Variants in DLGAP1 observed in about 807,000 individuals in gnomAD.
DLGAP1 encodes the protein DLG associated protein 1.
In DLGAP1, 11 loss-of-function variants were observed where a neutral mutation model predicts 90.8. The observed-to-expected ratio is 0.12, with a 90% CI of 0.08 to 0.20. The LOEUF (loss-of-function observed/expected upper bound fraction) is 0.20, where lower values mean the gene tolerates loss of function less well. DLGAP1 is among the 10% of genes least tolerant of loss of function. The pLI is 1.00. For missense variants in DLGAP1, 1,050 were observed against 1,333.8 expected, an observed-to-expected ratio of 0.79 and a Z score of 3.31; for synonymous variants, 558 against 540.7, an observed-to-expected ratio of 1.03 and a Z score of -0.44.
At chr18:4,094,504 T>C (rs1468195713) in intron 2 of DLGAP1, among the ~76,000 whole-genome samples, 3 of 152,098 alleles carry the variant, frequency 2.0e-5, no homozygotes, top group Admixed American at 1.3e-4. Context: ...TATTGTTTTC[T>C]GTAGAATTGA....
chr18:3,657,601 T>C (rs1352485770), intron 7 of DLGAP1, among the ~76,000 whole-genome samples: 4 of 148,264 alleles, frequency 2.7e-5, no homozygotes, highest in Non-Finnish European at 5.9e-5. Flanking sequence ...TCCCATGGAA[T>C]TCTTTTTTTT....
At chr18:3,617,084 G>A (rs1310768348) in intron 7 of DLGAP1, among the ~76,000 whole-genome samples, 1 of 152,190 alleles carries the variant, frequency 6.6e-6, no homozygotes, top group Non-Finnish European at 1.5e-5. Context: ...GCTCAGGAGA[G>A]ATGCTGAGCC....
intron 1 of DLGAP1, among the ~76,000 whole-genome samples, chr18:4,268,443 T>A (rs529163473): frequency 4.3e-4 from 65 of 152,312 alleles, no homozygotes; most frequent in Middle Eastern, 3.4e-3. Flanking sequence ...GAATACCTAT[T>A]TGATGCTGAA....
intron 5 of DLGAP1, among the ~76,000 whole-genome samples, chr18:3,756,570 AG>A (rs1254112353): frequency 6.6e-6 from 1 of 152,128 alleles, no homozygotes; most frequent in East Asian, 1.9e-4. Context: ...GTCTTGAAAA[AG>A]AGCAATTTAA....
chr18:3,879,409 G>A lies in DLGAP1; in HGVS notation c.660C>T (p.Gly220=). The change falls in exon 4 of 13, where the codon GGC becomes GGT. Residue 220 remains glycine, a synonymous_variant. Coordinates refer to ENST00000315677, the MANE Select transcript of DLGAP1 (RefSeq NM_004746.4). This position sits in a 1 kb window ranked among gnomAD's most constrained non-coding sequence, Gnocchi z 6.6. ...GDMCIYHAPS[G]VMTMGRCPDR... Reference sequence around the variant, plus strand: ...CGGGGCACCTGCCCATGGTCATCACGCCCGAGGGGGCGTGGTAGATGCACA... The same window carrying A: ...CGGGGCACCTGCCCATGGTCATCACACCCGAGGGGGCGTGGTAGATGCACA... 1 of 1,611,786 alleles carries A rather than the reference G, an allele frequency of 6.2e-7. No individual in the cohort carries two copies. Among genetic ancestry groups the A allele is most frequent in the Non-Finnish European group, 8.5e-7 (1 of 1,179,962 alleles).
chr18:4,261,762 G>T (rs2079007739), intron 1 of DLGAP1, among the ~76,000 whole-genome samples: 2 of 152,154 alleles, frequency 1.3e-5, no homozygotes, highest in Admixed American at 6.6e-5. Flanking sequence ...TGGGCTCGAT[G>T]TTCCTCATGC....
At chr18:3,935,550 C>T (rs777752910) in intron 3 of DLGAP1, among the ~76,000 whole-genome samples, 13 of 152,136 alleles carry the variant, frequency 8.5e-5, no homozygotes, top group Non-Finnish European at 1.8e-4. Flanking sequence ...GCTGCTGATG[C>T]AATTTGACAT....
intron 2 of DLGAP1, among the ~76,000 whole-genome samples, chr18:4,020,304 T>C (rs752659550): frequency 1.3e-5 from 2 of 152,194 alleles, no homozygotes; most frequent in Non-Finnish European, 2.9e-5. Flanking sequence ...ATTCAGATGG[T>C]TGTGAGGGGC....
At chr18:4,349,914 A>G (rs1311501688) in intron 1 of DLGAP1, among the ~76,000 whole-genome samples, 1 of 152,188 alleles carries the variant, frequency 6.6e-6, no homozygotes, top group Non-Finnish European at 1.5e-5. Flanking sequence ...GTACTTTATC[A>G]TAGGTAGGTT....
At chr18:4,299,698 C>T (rs12963543) in intron 1 of DLGAP1, among the ~76,000 whole-genome samples, 1 of 133,560 alleles carries the variant, frequency 7.5e-6, no homozygotes, top group Non-Finnish European at 1.7e-5. Flanking sequence ...AAAAAACACA[C>T]ACAAAAAAAA....
chr18:3,585,827 G>C (rs942381452), intron 7 of DLGAP1, among the ~76,000 whole-genome samples: 3 of 152,200 alleles, frequency 2.0e-5, no homozygotes, highest in African/African-American at 7.2e-5. Context: ...AAAAAAGCTA[G>C]ATAATTCAGC....
At chr18:4,175,959 C>T (rs1054776349) in intron 1 of DLGAP1, among the ~76,000 whole-genome samples, 8 of 152,138 alleles carry the variant, frequency 5.3e-5, no homozygotes, top group Admixed American at 1.3e-4. Context: ...TCTAATTCTG[C>T]GAAGAAAGTC....
intron 7 of DLGAP1, among the ~76,000 whole-genome samples, chr18:3,630,703 T>G (rs1387416227): frequency 6.6e-6 from 1 of 152,224 alleles, no homozygotes; most frequent in African/African-American, 2.4e-5. Context: ...TTCTGTAATC[T>G]GTAGTCTGTT....
In DLGAP1 at chr18:4,087,736, A is replaced by AT. The variant is rs544428891; in HGVS notation, c.-159+63443dup. On this transcript the variant is annotated intron_variant, in intron 2 of 12. Coordinates refer to ENST00000315677, the MANE Select transcript of DLGAP1 (RefSeq NM_004746.4). ...CTTTTAATTAACATTTACATGGTGTATTTTTTTACATTTATATGCTATATA... is the reference window on the plus strand; with the variant it reads ...CTTTTAATTAACATTTACATGGTGTATTTTTTTTACATTTATATGCTATATA... Among the ~76,000 whole-genome samples, 382 of 152,164 alleles carry AT rather than the reference A, an allele frequency of 2.5e-3. 1 individual carries two copies. The highest frequency in any genetic ancestry group is 4.3e-3 in the Non-Finnish European group (289 of 67,998).
chr18:3,821,092 C>T (rs1353532107), intron 4 of DLGAP1, among the ~76,000 whole-genome samples: 1 of 152,022 alleles, frequency 6.6e-6, no homozygotes, highest in Non-Finnish European at 1.5e-5. Context: ...TGAGACCGGC[C>T]TAGGCAACAT....
chr18:3,928,910 C>T (rs75700780), intron 3 of DLGAP1, among the ~76,000 whole-genome samples: 3,849 of 152,214 alleles, frequency 0.025, 82 homozygotes, highest in South Asian at 0.077. Context: ...ATTGGCTTAT[C>T]GAGGTGGTTT....
intron 1 of DLGAP1, among the ~76,000 whole-genome samples, chr18:4,377,336 A>G (rs2082034930): frequency 6.6e-6 from 1 of 152,170 alleles, no homozygotes; most frequent in African/African-American, 2.4e-5. Context: ...AAGAACTATC[A>G]TATTCCTCTA....
chr18:4,231,996 T>C (rs1394265114), intron 1 of DLGAP1, among the ~76,000 whole-genome samples: 2 of 152,198 alleles, frequency 1.3e-5, no homozygotes, highest in Admixed American at 1.3e-4. Context: ...TCAGTTCATG[T>C]AGAACTGAAT....
At chr18:3,866,999 ATG>A in intron 4 of DLGAP1, among the ~76,000 whole-genome samples, 1 of 147,836 alleles carries the variant, frequency 6.8e-6, no homozygotes, top group South Asian at 2.3e-4. Context: ...CTACAGGCAC[ATG>A]CCACCACACC....
Sources: allele counts gnomAD v4.1 joint callset (sites outside exome capture counted in the v4.1 genomes callset), GRCh38; gene constraint gnomAD v4.1.1; non-coding constraint Gnocchi (gnomAD v3.1); transcripts MANE v1.5; gene names NCBI Gene and HGNC (gene_info 2026-07-23, HGNC 2026-07-21).